The following ZNF536 variants were observed in gnomAD, a reference collection of about 807,000 sequenced individuals.
The protein encoded by ZNF536 is zinc finger protein 536.
Under a neutral mutation model 84.5 loss-of-function variants are expected in ZNF536, and 13 were observed. The ratio of observed to expected loss-of-function variants is 0.15; its 90% CI spans 0.10 to 0.24. The LOEUF is 0.24. Among genes scored for constraint, ZNF536 ranks in the 10% least tolerant of loss-of-function variants. ZNF536 has a pLI of 1.00. For synonymous variants in ZNF536, 811 were observed against 742.5 expected (o/e 1.09, Z -1.50); for missense variants, 1,536 against 1,747.5 (o/e 0.88, Z 2.16).
intron 2 of ZNF536, among the ~76,000 whole-genome samples, chr19:30,514,968 C>T (rs558253083): frequency 6.6e-6 from 1 of 152,090 alleles, no homozygotes; most frequent in Non-Finnish European, 1.5e-5. Flanking sequence ...AACTCTGTGG[C>T]CCAGCGTGGT....
chr19:30,661,436 C>T (rs1179133230), intron 1 of ZNF536, among the ~76,000 whole-genome samples: 1 of 152,178 alleles, frequency 6.6e-6, no homozygotes, highest in African/African-American at 2.4e-5. Context: ...ATTTGTAACA[C>T]ATCCCTAGAA....
At position 30,444,513 on chromosome 19, in the gene ZNF536, C is replaced by T. The variant is rs1402463502; in HGVS notation, c.951C>T (p.Ser317=). The T allele has an allele frequency of 6.2e-7, 1 of 1,612,366 alleles. No individual in the cohort carries two copies. Among genetic ancestry groups the T allele is most frequent in the African/African-American group, 1.3e-5 (1 of 74,950 alleles). ...FAASQEEELI[S]HVEKAHITAE... ...CTTCGCAGGAGGAGGAGCTCATCAG[C>T]CACGTGGAGAAGGCACACATCACGG... Residue 317 remains serine, a synonymous_variant, in exon 2 of 5, where the codon AGC becomes AGT. Coordinates refer to ENST00000355537, the MANE Select transcript of ZNF536 (RefSeq NM_014717.3).
chr19:30,555,071 T>G (rs1439293452), intron 4 of ZNF536: 2 of 152,244 alleles, frequency 1.3e-5, no homozygotes. Flanking sequence ...ATTAAAGACT[T>G]CCAGGAGAAC....
chr19:30,287,729 G>T (rs1473647632), intron 2 of ZNF536, among the ~76,000 whole-genome samples: 12 of 149,620 alleles, frequency 8.0e-5, no homozygotes, highest in Non-Finnish European at 1.5e-4. Flanking sequence ...TGGGTGGGTG[G>T]GTGGCTGGAT....
At chr19:30,618,261 A>G (rs1271044577) in intron 1 of ZNF536, among the ~76,000 whole-genome samples, 1 of 152,222 alleles carries the variant, frequency 6.6e-6, no homozygotes, top group African/African-American at 2.4e-5. Context: ...CTAGTTAAAC[A>G]CCTGCCTTAA....
chr19:30,393,758 C>A (rs559656336), intron 1 of ZNF536, among the ~76,000 whole-genome samples: 1 of 152,258 alleles, frequency 6.6e-6, no homozygotes, highest in East Asian at 1.9e-4. Flanking sequence ...GAAGGGGAAG[C>A]TGTGAGCTGA....
rs1245127301 is a variant in ZNF536 at position 30,651,244 on chromosome 19, G to T, written c.170-59513G>T. ...TGCTTTGGACAAAGGCGAGGGAGGT[G>T]CCTGTATTTCCTAGAACCAGGTAGC... On this transcript the variant is annotated intron_variant, in intron 1 of 1. Coordinates refer to the ZNF536 transcript ENST00000592773. Among the ~76,000 whole-genome samples, 8 of 152,218 alleles carry T rather than the reference G, an allele frequency of 5.3e-5. No homozygotes were observed. In the East Asian group the frequency reaches 1.5e-3, roughly 29 times the overall value.
chr19:30,249,071 G>C (rs1384709028), intron 1 of ZNF536, among the ~76,000 whole-genome samples: 1 of 152,178 alleles, frequency 6.6e-6, no homozygotes, highest in East Asian at 1.9e-4. Flanking sequence ...TGCCTGTGGA[G>C]AAGTTCTGTG....
chr19:30,513,695 AGG>A (rs1041690640), intron 2 of ZNF536, among the ~76,000 whole-genome samples: 15 of 152,210 alleles, frequency 9.9e-5, no homozygotes, highest in Admixed American at 9.8e-4. Flanking sequence ...CTAGAGTTGA[AGG>A]GTGGATGGAG....
intron 4 of ZNF536, 103 bp from the exon 5 acceptor site, chr19:30,557,054 A>T (rs2146367279): frequency 8.0e-7 from 1 of 1,252,286 alleles, no homozygotes. Flanking sequence ...TATTGTCATT[A>T]TTCCATTAAA....
intron 1 of ZNF536, among the ~76,000 whole-genome samples, chr19:30,589,267 G>T (rs553363956): frequency 7.9e-5 from 12 of 152,140 alleles, no homozygotes; most frequent in Non-Finnish European, 1.6e-4. Flanking sequence ...TGCATTGCCC[G>T]AGGTCCCTCT....
At chr19:30,636,397 C>T (rs547739567) in intron 1 of ZNF536, among the ~76,000 whole-genome samples, 1 of 152,262 alleles carries the variant, frequency 6.6e-6, no homozygotes, top group South Asian at 2.1e-4. Context: ...GATTCCCATC[C>T]TCATGAGGCC....
intron 1 of ZNF536, among the ~76,000 whole-genome samples, chr19:30,577,179 A>T (rs542855624): frequency 6.6e-6 from 1 of 152,338 alleles, no homozygotes; most frequent in African/African-American, 2.4e-5. Context: ...AAAATATCAC[A>T]CATAGAAGAA....
At chr19:30,446,178 G>C (rs575625198) in intron 2 of ZNF536, among the ~76,000 whole-genome samples, 5 of 147,114 alleles carry the variant, frequency 3.4e-5, no homozygotes, top group African/African-American at 5.0e-5. Context: ...GAGCCCGGGA[G>C]GGGGAGGCTG....
chr19:30,267,340 G>A (rs1295317060), intron 1 of ZNF536, among the ~76,000 whole-genome samples: 3 of 152,124 alleles, frequency 2.0e-5, no homozygotes, highest in African/African-American at 7.2e-5. Context: ...CAGTGTGACT[G>A]TTCCATAGAC....
intron 1 of ZNF536, among the ~76,000 whole-genome samples, chr19:30,617,333 CTTTTTTTTTTTTTTTTT>C (rs556835599): frequency 1.9e-3 from 73 of 37,714 alleles, no homozygotes; most frequent in Admixed American, 6.3e-3. Context: ...GAATAGCTTA[CTTTTTTTTTTTTTTTTT>C]TTTTTTTTTT....
At chr19:30,430,891 G>T (rs2051427856) in intron 1 of ZNF536, among the ~76,000 whole-genome samples, 1 of 152,194 alleles carries the variant, frequency 6.6e-6, no homozygotes, top group South Asian at 2.1e-4. Flanking sequence ...GGCCAGGCTG[G>T]TCTCAAACTC....
intron 3 of ZNF536, among the ~76,000 whole-genome samples, chr19:30,361,547 C>G (rs2048275153): frequency 1.3e-5 from 2 of 151,942 alleles, no homozygotes; most frequent in Admixed American, 6.6e-5. Flanking sequence ...CGGGGAGAGG[C>G]CTGGTGAAGT....
intron 2 of ZNF536, among the ~76,000 whole-genome samples, chr19:30,463,172 G>T (rs150182235): frequency 0.011 from 1,671 of 152,246 alleles, 30 homozygotes; most frequent in African/African-American, 0.038. Flanking sequence ...TGCATATCAT[G>T]ATGGCTTATT....
Sources: allele counts gnomAD v4.1 joint callset (sites outside exome capture counted in the v4.1 genomes callset), GRCh38; gene constraint gnomAD v4.1.1; transcripts MANE v1.5; gene names NCBI Gene and HGNC (gene_info 2026-07-23, HGNC 2026-07-21).